The following GALNTL6 variants were observed in gnomAD, a reference collection of about 807,000 sequenced individuals.
GALNTL6 encodes the protein polypeptide N-acetylgalactosaminyltransferase-like 6.
A neutral mutation model predicts 73.7 loss-of-function variants in GALNTL6; 46 were observed. That is an observed-to-expected ratio of 0.62 (90% CI 0.49 to 0.80). GALNTL6 has a LOEUF of 0.80. GALNTL6 is among the 30% of genes least tolerant of loss of function. The pLI is 0.00. For synonymous variants in GALNTL6, 259 were observed against 263.7 expected, an observed-to-expected ratio of 0.98 and a Z score of 0.17; for missense variants, 604 against 755.0, an observed-to-expected ratio of 0.80 and a Z score of 2.34.
rs530355841 is a variant in GALNTL6, at chr4:171,917,359, A to G, written c.138+102641A>G. Among the ~76,000 whole-genome samples the G allele has an allele frequency of 2.0e-5, 3 of 152,134 alleles. No individual in the cohort carries two copies. In the East Asian group the frequency reaches 5.8e-4, roughly 29 times the overall value. On this transcript the variant is annotated intron_variant, in intron 2 of 12. Transcript: ENST00000506823. Reference sequence around the variant, plus strand: ...TAAATATTCTGCTAATTTGCCAAGGATTTGAACCCAACTTTCAGATATAGC... The same window carrying G: ...TAAATATTCTGCTAATTTGCCAAGGGTTTGAACCCAACTTTCAGATATAGC...
At chr4:172,516,129 T>G (rs1457236064) in intron 5 of GALNTL6, among the ~76,000 whole-genome samples, 2 of 152,204 alleles carry the variant, frequency 1.3e-5, no homozygotes. Flanking sequence ...TATTAAATAT[T>G]TAATCTATTA....
At chr4:172,780,541 G>T (rs181281974) in intron 5 of GALNTL6, among the ~76,000 whole-genome samples, 2 of 152,294 alleles carry the variant, frequency 1.3e-5, no homozygotes, top group Admixed American at 1.3e-4. Flanking sequence ...ATGGAATTTG[G>T]CTGATTTCAT....
At chr4:172,219,498 A>C (rs1166669661) in intron 2 of GALNTL6, among the ~76,000 whole-genome samples, 1 of 151,738 alleles carries the variant, frequency 6.6e-6, no homozygotes, top group Admixed American at 6.6e-5. Context: ...ATGGCAAGCT[A>C]TAATTATAAT....
At chr4:172,378,715 T>C (rs915203451) in intron 5 of GALNTL6, among the ~76,000 whole-genome samples, 3 of 152,220 alleles carry the variant, frequency 2.0e-5, no homozygotes, top group Non-Finnish European at 4.4e-5. Context: ...ATTAATAATA[T>C]ACAATGTGAA....
intron 2 of GALNTL6, among the ~76,000 whole-genome samples, chr4:172,040,754 G>A (rs1742065564): frequency 1.3e-5 from 2 of 152,006 alleles, no homozygotes; most frequent in Admixed American, 1.3e-4. Context: ...GAAGAGCCAG[G>A]ATTCCAACTG....
chr4:172,620,075 T>C (rs1467516172), intron 5 of GALNTL6, among the ~76,000 whole-genome samples: 1 of 152,222 alleles, frequency 6.6e-6, no homozygotes, highest in East Asian at 1.9e-4. Flanking sequence ...GTCACAGTTT[T>C]CATGTTTTTA....
intron 5 of GALNTL6, among the ~76,000 whole-genome samples, chr4:172,663,400 A>G (rs897338584): frequency 2.3e-5 from 3 of 132,800 alleles, no homozygotes; most frequent in African/African-American, 7.6e-5. Flanking sequence ...TATAGCATTA[A>G]TGACTAATGT....
chr4:172,299,579 A>G (rs528116485), intron 3 of GALNTL6, among the ~76,000 whole-genome samples: 1 of 152,104 alleles, frequency 6.6e-6, no homozygotes, highest in South Asian at 2.1e-4. Flanking sequence ...CTTTATTCTC[A>G]TTGGTTTCAA....
intron 5 of GALNTL6, among the ~76,000 whole-genome samples, chr4:172,647,472 C>A (rs1192398058): frequency 6.6e-6 from 1 of 151,996 alleles, no homozygotes; most frequent in Non-Finnish European, 1.5e-5. Flanking sequence ...GGTACATAAA[C>A]CTTTCTCTAC....
chr4:172,615,658 C>T (rs1011874501), intron 5 of GALNTL6, among the ~76,000 whole-genome samples: 9 of 152,080 alleles, frequency 5.9e-5, no homozygotes, highest in African/African-American at 2.2e-4. Flanking sequence ...TACTATAAAT[C>T]GAGTCTATAA....
At chr4:171,928,439 C>A (rs1479451686) in intron 2 of GALNTL6, among the ~76,000 whole-genome samples, 1 of 152,186 alleles carries the variant, frequency 6.6e-6, no homozygotes, top group Non-Finnish European at 1.5e-5. Context: ...GTTTTAACCA[C>A]GATCCCTGGC....
intron 10 of GALNTL6, among the ~76,000 whole-genome samples, chr4:172,967,317 T>C (rs1750377199): frequency 6.6e-6 from 1 of 152,220 alleles, no homozygotes; most frequent in African/African-American, 2.4e-5. Flanking sequence ...CTGGAAAGGA[T>C]GGCCTATTGT....
intron 2 of GALNTL6, among the ~76,000 whole-genome samples, chr4:172,183,079 A>G (rs1233529843): frequency 6.6e-6 from 1 of 152,214 alleles, no homozygotes; most frequent in Admixed American, 6.5e-5. Context: ...ATGTTGGGAC[A>G]TATTTAGTAC....
At chr4:172,666,606 A>G (rs956423337) in intron 5 of GALNTL6, among the ~76,000 whole-genome samples, 1 of 152,194 alleles carries the variant, frequency 6.6e-6, no homozygotes, top group Non-Finnish European at 1.5e-5. Flanking sequence ...GTAGTCAAGG[A>G]TTATTGTCTC....
At chr4:172,114,095 AC>A (rs1319232881) in intron 2 of GALNTL6, among the ~76,000 whole-genome samples, 3 of 152,218 alleles carry the variant, frequency 2.0e-5, no homozygotes, top group African/African-American at 7.2e-5. Context: ...AGAAATGCCA[AC>A]GTGAGCATGC....
intron 3 of GALNTL6, among the ~76,000 whole-genome samples, chr4:172,246,338 T>A (rs529035559): frequency 1.4e-4 from 21 of 152,292 alleles, no homozygotes; most frequent in Middle Eastern, 3.4e-3. Flanking sequence ...TCATAGATAA[T>A]CATTGGGATA....
chr4:172,122,971 G>T lies in GALNTL6; in HGVS notation c.139-106685G>T, dbSNP rs184799181. Among the ~76,000 whole-genome samples the T allele has an allele frequency of 9.3e-4, 141 of 152,254 alleles. 1 individual carries two copies. Among genetic ancestry groups the T allele is most frequent in the African/African-American group, 3.3e-3 (135 of 41,532 alleles). On this transcript the variant is annotated intron_variant, in intron 2 of 12. Transcript: ENST00000506823. ...GCCTAGGGCTAAAGTCTTATAACAGGTGTTTTATAGCTTTTCTTTAGAAAC... is the reference window on the plus strand; with the variant it reads ...GCCTAGGGCTAAAGTCTTATAACAGTTGTTTTATAGCTTTTCTTTAGAAAC...
chr4:172,057,722 AAAAAAATATATATATAT>A (rs1230343270), intron 2 of GALNTL6, among the ~76,000 whole-genome samples: 26 of 78,482 alleles, frequency 3.3e-4, no homozygotes, highest in African/African-American at 1.3e-3. Context: ...AAAAAAAAAA[AAAAAAATATATATATAT>A]ATATATATAT....
intron 4 of GALNTL6, among the ~76,000 whole-genome samples, chr4:172,316,394 A>G (rs1740542032): frequency 6.6e-6 from 1 of 152,200 alleles, no homozygotes; most frequent in South Asian, 2.1e-4. Context: ...TTTAAAATTA[A>G]TATAGTCTCA....
Sources: allele counts gnomAD v4.1 joint callset (sites outside exome capture counted in the v4.1 genomes callset), GRCh38; gene constraint gnomAD v4.1.1; transcripts MANE v1.5; gene names NCBI Gene and HGNC (gene_info 2026-07-23, HGNC 2026-07-21).